TTC17: variants seen among roughly 807,000 people sequenced by gnomAD.
TTC17 encodes the protein tetratricopeptide repeat protein 17.
Under a neutral mutation model 143.8 loss-of-function variants are expected in TTC17, and 58 were observed. That is an observed-to-expected ratio of 0.40 (90% confidence interval 0.33 to 0.50). The LOEUF is 0.50. Ranked by LOEUF, TTC17 falls within the 20% of genes least tolerant of loss-of-function variation. The pLI, the probability that TTC17 is intolerant of heterozygous loss-of-function variation, is 0.49. For missense variants in TTC17, 1,273 were observed against 1,392.5 expected (o/e 0.91, Z 1.37); for synonymous variants, 501 against 497.8 (o/e 1.01, Z -0.09).
intron 21 of TTC17, among the ~76,000 whole-genome samples, chr11:43,459,279 C>G (rs1373482727): frequency 1.3e-5 from 2 of 152,186 alleles, no homozygotes; most frequent in Non-Finnish European, 2.9e-5. Flanking sequence ...GTCACCAATT[C>G]CCCCAATTCC....
At chr11:43,437,119 A>G (rs1194469053) in intron 16 of TTC17, among the ~76,000 whole-genome samples, 1 of 150,572 alleles carries the variant, frequency 6.6e-6, no homozygotes, top group African/African-American at 2.4e-5. Flanking sequence ...TTTTTTTTTT[A>G]GCGTACTCTT....
chr11:43,443,371 A>G lies in TTC17; in HGVS notation c.2298A>G (p.Ser766=), dbSNP rs374210733. 6.2e-6 allele frequency: 10 copies of G among 1,614,070 alleles called. No individual in the cohort carries two copies. The highest frequency in any genetic ancestry group is 8.5e-6 in the Non-Finnish European group (10 of 1,180,026). Residue 766 remains serine (S), a synonymous_variant, in exon 17 of 24, where the codon TCA becomes TCG. Transcript: ENST00000039989. ...ESNGSDEMEN[S]DETKMSEEIL... ...ATGGTTCTGATGAGATGGAGAATTC[A>G]GATGAAACCAAAATGTCAGAAGAAA...
chr11:43,420,153 G>A (rs937539999), intron 16 of TTC17, among the ~76,000 whole-genome samples: 6 of 152,294 alleles, frequency 3.9e-5, no homozygotes, highest in South Asian at 2.1e-4. Context: ...GAACCTACAA[G>A]CAAAGATTGT....
chr11:43,472,841 TAAA>T (rs140936007), intron 21 of TTC17, among the ~76,000 whole-genome samples: 8 of 115,036 alleles, frequency 7.0e-5, no homozygotes, highest in East Asian at 2.4e-4. Flanking sequence ...GGAATTAAGC[TAAA>T]AAAAAAAAAA....
intron 21 of TTC17, chr11:43,468,267 A>C (rs1948019680): frequency 6.6e-6 from 1 of 152,222 alleles, no homozygotes; most frequent in Non-Finnish European, 1.5e-5. Context: ...GAAGCAAATA[A>C]AGTAATCATT....
At chr11:43,381,462 A>G (rs1477109769) in intron 2 of TTC17, among the ~76,000 whole-genome samples, 1 of 152,160 alleles carries the variant, frequency 6.6e-6, no homozygotes, top group Admixed American at 6.5e-5. Flanking sequence ...AGATGTAGGA[A>G]CAGAACGAGG....
chr11:43,397,942 G>GTGTGTA, intron 7 of TTC17, 32 bp from the exon 8 acceptor site: 1 of 1,474,788 alleles, frequency 6.8e-7, no homozygotes, highest in South Asian at 1.2e-5. Flanking sequence ...GTGTGTGTGT[G>GTGTGTA]TGTGTGTGTA....
At chr11:43,404,891 G>T (rs989523939) in intron 11 of TTC17, among the ~76,000 whole-genome samples, 1 of 152,028 alleles carries the variant, frequency 6.6e-6, no homozygotes, top group Non-Finnish European at 1.5e-5. Flanking sequence ...GCAAAGAAAA[G>T]ACCTTAGTTC....
chr11:43,426,931 G>T (rs78261104), intron 16 of TTC17, among the ~76,000 whole-genome samples: 6,739 of 152,248 alleles, frequency 0.044, 226 homozygotes, highest in African/African-American at 0.098. Context: ...AGCTAGGAGA[G>T]TCTTGTTAAA....
intron 5 of TTC17, among the ~76,000 whole-genome samples, chr11:43,392,436 A>G (rs1857426448): frequency 6.6e-6 from 1 of 152,228 alleles, no homozygotes; most frequent in South Asian, 2.1e-4. Context: ...TAAATGTATC[A>G]TTCAGGATTA....
At chr11:43,493,629 G>A in intron 23 of TTC17, 144 bp from the exon 24 acceptor site, 2 of 1,275,318 alleles carry the variant, frequency 1.6e-6, no homozygotes, top group Non-Finnish European at 1.1e-6. Flanking sequence ...GAACCTCAGA[G>A]TTTTCCACAA....
At chr11:43,463,675 A>C (rs1170530982) in intron 21 of TTC17, among the ~76,000 whole-genome samples, 2 of 152,246 alleles carry the variant, frequency 1.3e-5, no homozygotes, top group African/African-American at 2.4e-5. Context: ...TAAAAATGCC[A>C]TGTTATTTTC....
chr11:43,434,168 GACAC>G (rs55913890), intron 16 of TTC17, among the ~76,000 whole-genome samples: 3,371 of 125,238 alleles, frequency 0.027, 49 homozygotes, highest in Middle Eastern at 0.05. Flanking sequence ...CATGGGCGGG[GACAC>G]ACACACACAC....
At chr11:43,433,995 G>C (rs562943960) in intron 16 of TTC17, among the ~76,000 whole-genome samples, 149 of 152,194 alleles carry the variant, frequency 9.8e-4, no homozygotes, top group Non-Finnish European at 1.5e-3. Context: ...TCATTATTCT[G>C]TTTTATTTTA....
intron 2 of TTC17, among the ~76,000 whole-genome samples, chr11:43,386,048 G>T (rs934279915): frequency 2.6e-5 from 4 of 151,724 alleles, no homozygotes; most frequent in Non-Finnish European, 5.9e-5. Flanking sequence ...TAGGTATAAT[G>T]TAAGGTTTTA....
At chr11:43,376,024 C>G (rs77805533) in intron 1 of TTC17, among the ~76,000 whole-genome samples, 1 of 152,104 alleles carries the variant, frequency 6.6e-6, no homozygotes, top group Non-Finnish European at 1.5e-5. Flanking sequence ...AATATTTACT[C>G]ATGTTATATA....
chr11:43,383,348 T>G (rs989004665), intron 2 of TTC17, among the ~76,000 whole-genome samples: 1 of 152,134 alleles, frequency 6.6e-6, no homozygotes, highest in Non-Finnish European at 1.5e-5. Flanking sequence ...ATGTATTTTT[T>G]TATTTTTTTA....
intron 21 of TTC17, among the ~76,000 whole-genome samples, chr11:43,484,413 C>A (rs1165064876): frequency 2.0e-5 from 3 of 152,072 alleles, no homozygotes; most frequent in African/African-American, 7.2e-5. Context: ...TTATCAAGAC[C>A]TCCGTGCAGC....
At chr11:43,382,132 A>G (rs1284276115) in intron 2 of TTC17, among the ~76,000 whole-genome samples, 1 of 152,226 alleles carries the variant, frequency 6.6e-6, no homozygotes, top group Non-Finnish European at 1.5e-5. Flanking sequence ...ATAACAGAAG[A>G]CAGTGAAGGG....
Sources: allele counts gnomAD v4.1 joint callset (sites outside exome capture counted in the v4.1 genomes callset), GRCh38; gene constraint gnomAD v4.1.1; transcripts MANE v1.5; gene names NCBI Gene and HGNC (gene_info 2026-07-23, HGNC 2026-07-21).